CAMTA1: variants seen among roughly 807,000 people sequenced by gnomAD.
CAMTA1 encodes calmodulin-binding transcription activator 1.
A neutral mutation model predicts 170.9 loss-of-function variants in CAMTA1; 27 were observed. That is an observed-to-expected ratio of 0.16 (90% CI 0.12 to 0.22). The LOEUF (loss-of-function observed/expected upper bound fraction) is 0.22. Among genes scored for constraint, CAMTA1 ranks in the 10% least tolerant of loss-of-function variants. CAMTA1 has a pLI of 1.00. For synonymous variants in CAMTA1, 833 were observed against 891.5 expected (o/e 0.93, Z 1.17); for missense variants, 1,619 against 2,217.2 (o/e 0.73, Z 5.42).
intron 4 of CAMTA1, among the ~76,000 whole-genome samples, chr1:7,235,728 G>A (rs1663706591): frequency 6.6e-6 from 1 of 152,222 alleles, no homozygotes; most frequent in South Asian, 2.1e-4. Flanking sequence ...GGCAAAAGCA[G>A]GAGCAATCAC....
intron 6 of CAMTA1, among the ~76,000 whole-genome samples, chr1:7,631,807 T>C (rs768753073): frequency 1.3e-5 from 2 of 152,202 alleles, no homozygotes; most frequent in Non-Finnish European, 2.9e-5. Flanking sequence ...CTACCCTCAG[T>C]GGGTGACAGT....
intron 16 of CAMTA1, among the ~76,000 whole-genome samples, chr1:7,742,078 AAAG>A (rs1304502917): frequency 6.6e-6 from 1 of 152,010 alleles, no homozygotes; most frequent in Non-Finnish European, 1.5e-5. Context: ...ACGAGTATAA[AAAG>A]AAAGATAAAA....
intron 5 of CAMTA1, among the ~76,000 whole-genome samples, chr1:7,315,416 C>T (rs755344482): frequency 2.0e-5 from 3 of 152,196 alleles, no homozygotes; most frequent in Non-Finnish European, 2.9e-5. Context: ...AAGACCTTTT[C>T]GCCTTCTCCA....
chr1:7,346,150 A>G (rs1276412396), intron 5 of CAMTA1, among the ~76,000 whole-genome samples: 1 of 152,210 alleles, frequency 6.6e-6, no homozygotes, highest in Non-Finnish European at 1.5e-5. Flanking sequence ...GAGTTAGTCC[A>G]TCTTACCAAG....
intron 12 of CAMTA1, among the ~76,000 whole-genome samples, chr1:7,734,686 T>C (rs1429409107): frequency 6.6e-6 from 1 of 152,214 alleles, no homozygotes; most frequent in Non-Finnish European, 1.5e-5. Context: ...TCTGCTCCTG[T>C]AGGTGTTTTT....
Position 7,325,414 on chromosome 1 carries a change from T to C in CAMTA1, c.438+75788T>C, listed in dbSNP as rs1025406798. Among the ~76,000 whole-genome samples, 2 of 151,796 alleles carry C rather than the reference T, an allele frequency of 1.3e-5. No individual in the cohort carries two copies. Among genetic ancestry groups the C allele is most frequent in the African/African-American group, 4.8e-5 (2 of 41,316 alleles). On this transcript the variant is annotated intron_variant, in intron 5 of 22. Transcript: ENST00000303635. The surrounding 1 kb of genome is among the most constrained non-coding windows in gnomAD (Gnocchi z 5.0). ...CTGCCTGGGAGGGGAAACACTGAGG[T>C]GGAGGGACAGCCAGTACAGAGTTTT... is the stretch of plus-strand genomic sequence containing the variant.
intron 4 of CAMTA1, among the ~76,000 whole-genome samples, chr1:7,203,835 C>A (rs1573871701): frequency 7.1e-6 from 1 of 139,920 alleles, no homozygotes. Flanking sequence ...ACTTTTCTTT[C>A]TTTTTTTTTT....
intron 4 of CAMTA1, among the ~76,000 whole-genome samples, chr1:7,245,589 G>A (rs1665634729): frequency 6.6e-6 from 1 of 152,012 alleles, no homozygotes; most frequent in African/African-American, 2.4e-5. Flanking sequence ...TGCACTGAGC[G>A]CTATTGGTTT....
At chr1:7,745,500 T>C (rs1419850063) in intron 17 of CAMTA1, among the ~76,000 whole-genome samples, 1 of 152,044 alleles carries the variant, frequency 6.6e-6, no homozygotes, top group Non-Finnish European at 1.5e-5. Flanking sequence ...CACCCCAGTC[T>C]GCGCAACAGA....
At chr1:7,749,902 A>G in intron 19 of CAMTA1, 1 of 416,428 alleles carries the variant, frequency 2.4e-6, no homozygotes, top group Non-Finnish European at 4.8e-6. Flanking sequence ...TGGAGTAAAC[A>G]TATCCCCCTT....
At chr1:7,704,739 C>G (rs1221350772) in intron 11 of CAMTA1, among the ~76,000 whole-genome samples, 1 of 147,616 alleles carries the variant, frequency 6.8e-6, no homozygotes, top group African/African-American at 2.4e-5. Context: ...CCGCGGTACC[C>G]GGAGCCCCGC....
intron 5 of CAMTA1, among the ~76,000 whole-genome samples, chr1:7,291,628 A>G (rs901812526): frequency 2.0e-5 from 3 of 152,250 alleles, no homozygotes; most frequent in Admixed American, 1.3e-4. Flanking sequence ...GGAGGCTGAT[A>G]TCACAGCAAC....
chr1:7,125,699 G>A (rs1191905892), intron 4 of CAMTA1, among the ~76,000 whole-genome samples: 1 of 152,156 alleles, frequency 6.6e-6, no homozygotes, highest in African/African-American at 2.4e-5. Flanking sequence ...GGGGCTGGCG[G>A]TTCAGCAGGA....
intron 12 of CAMTA1, among the ~76,000 whole-genome samples, chr1:7,735,311 C>T (rs2096763081): frequency 6.6e-6 from 1 of 152,074 alleles, no homozygotes; most frequent in African/African-American, 2.4e-5. Flanking sequence ...GCCTGGCCAA[C>T]ATGGTGAAAC....
In CAMTA1 at chr1:7,661,929, G is replaced by A. The variant is rs889921491; in HGVS notation, c.805+63G>A. Reference sequence around the variant, plus strand: ...GACAGAGGGGCCCTACCAGGCAGCCGTCATGGCTGTCCTCTGTGGGAGTAG... The same window carrying A: ...GACAGAGGGGCCCTACCAGGCAGCCATCATGGCTGTCCTCTGTGGGAGTAG... On this transcript the variant is annotated intron_variant, in intron 8 of 22. Coordinates refer to ENST00000303635, the MANE Select transcript of CAMTA1 (RefSeq NM_015215.4). The A allele has an allele frequency of 1.1e-4, 167 of 1,527,262 alleles. No homozygotes were observed. The East Asian group carries it at 2.7e-3, about 25-fold the overall frequency. The allele number at this position is 1,527,262 out of a possible 1,614,324, so 94.6% of individuals were successfully genotyped here.
intron 5 of CAMTA1, among the ~76,000 whole-genome samples, chr1:7,265,061 C>T (rs1288401694): frequency 6.6e-6 from 1 of 152,134 alleles, no homozygotes; most frequent in Non-Finnish European, 1.5e-5. Flanking sequence ...GTTTTTCTGG[C>T]CTCGTGCTTG....
intron 3 of CAMTA1, among the ~76,000 whole-genome samples, chr1:6,961,572 C>T (rs1313827603): frequency 2.2e-5 from 3 of 136,370 alleles, no homozygotes; most frequent in Non-Finnish European, 4.6e-5. Flanking sequence ...GAGCCCAGGG[C>T]TCTCAGTCAT....
In CAMTA1 at chr1:7,050,861, G is replaced by A. The variant is rs376555595; in HGVS notation, c.235-40443G>A. Among the ~76,000 whole-genome samples the A allele has an allele frequency of 6.6e-6, 1 of 152,142 alleles. No homozygotes were observed. The highest frequency in any genetic ancestry group is 1.5e-5 in the Non-Finnish European group (1 of 68,018). On this transcript the variant is annotated intron_variant, in intron 3 of 22. Coordinates refer to ENST00000303635, the MANE Select transcript of CAMTA1 (RefSeq NM_015215.4). This position sits in a 1 kb window ranked among gnomAD's most constrained non-coding sequence, Gnocchi z 4.8. The stretch of plus-strand genomic sequence containing the variant: ...GGAACATCACACTGGGGTATTTATG[G>A]GAGCCGTGCACAGGAGCGCTGGCCA...
At chr1:6,874,948 G>A (rs1332125284) in intron 3 of CAMTA1, among the ~76,000 whole-genome samples, 2 of 152,142 alleles carry the variant, frequency 1.3e-5, no homozygotes, top group Non-Finnish European at 2.9e-5. Context: ...AGGTGGAAGG[G>A]ACATCACTGC....
Sources: gnomAD v4.1 joint callset for allele counts (sites outside exome capture counted in the v4.1 genomes callset) on GRCh38, gnomAD v4.1.1 for gene constraint, Gnocchi (gnomAD v3.1) non-coding constraint, MANE v1.5 for transcripts, NCBI Gene and HGNC (gene_info 2026-07-23, HGNC 2026-07-21) for gene names.